Variants in RBM28 observed in about 807,000 individuals in gnomAD.
RBM28 encodes the protein RNA binding motif protein 28.
RBM28 carries 78 observed loss-of-function variants against 98.3 expected under a neutral mutation model. The ratio of observed to expected loss-of-function variants is 0.79; its 90% CI spans 0.66 to 0.96. The LOEUF is 0.96. Among genes scored for constraint, RBM28 ranks in the 40% least tolerant of loss-of-function variants. The pLI is 0.00. For missense variants in RBM28, 838 were observed against 913.0 expected (o/e 0.92, Z 1.06); for synonymous variants, 306 against 330.9 (o/e 0.92, Z 0.82).
rs1327171718 is a variant in RBM28, at chr7:128,318,004, C to CTTTCAGG, written c.1659_1665dup (p.Ala556ProfsTer33). 3.1e-6 allele frequency: 5 copies of CTTTCAGG among 1,614,196 alleles called. No homozygotes were observed. The highest frequency in any genetic ancestry group is 4.2e-6 in the Non-Finnish European group (5 of 1,180,036). ...GGATTGTTGTTGATGAGGCGGAGGG[C>CTTTCAGG]TTTCAGGGCATGCTCGTGCTCTTGG... On this transcript the variant is annotated frameshift_variant, in exon 15 of 19. Coordinates refer to ENST00000223073, the MANE Select transcript of RBM28 (RefSeq NM_018077.3). LOFTEE classifies it high-confidence loss of function.
chr7:128,343,879 C>G lies in RBM28; in HGVS notation c.-86G>C, dbSNP rs1412587149. On this transcript the variant is annotated 5_prime_UTR_variant, in exon 1 of 19. Coordinates refer to ENST00000223073, the MANE Select transcript of RBM28 (RefSeq NM_018077.3). ...GAAACGCTGGCTTTGGTAGGACAACCAAGCTCACACGCCGAGAGATTCCGG... is the reference window on the plus strand; with the variant it reads ...GAAACGCTGGCTTTGGTAGGACAACGAAGCTCACACGCCGAGAGATTCCGG... The G allele has an allele frequency of 2.3e-6, 2 of 885,960 alleles. No homozygotes were observed. The highest frequency in any genetic ancestry group is 1.7e-5 in the African/African-American group (1 of 58,404). The allele number at this position is 885,960 out of a possible 1,614,324, so 54.9% of individuals were successfully genotyped here.
Position 128,307,696 on chromosome 7 carries a change from A to G in RBM28, c.*3101T>C, listed in dbSNP as rs927297936. ...AAGAACAGCTGCACATCATCTTAAG[A>G]TTCCTTATTTAAAGGTTGTATCTCT... On this transcript the variant is annotated 3_prime_UTR_variant, in exon 19 of 19. Coordinates refer to ENST00000223073, the MANE Select transcript of RBM28 (RefSeq NM_018077.3). 2 of 152,228 alleles carry G rather than the reference A, an allele frequency of 1.3e-5. No individual in the cohort carries two copies. Among genetic ancestry groups the G allele is most frequent in the Non-Finnish European group, 2.9e-5 (2 of 68,042 alleles). 9.4% of individuals were successfully genotyped at this position (152,228 alleles called of 1,614,324 possible).
At chr7:128,325,993 G>A in intron 10 of RBM28, 102 bp from the exon 11 acceptor site, 1 of 930,540 alleles carries the variant, frequency 1.1e-6, no homozygotes, top group Middle Eastern at 2.1e-4. Flanking sequence ...GAAGGGATAG[G>A]TGGCATCCAT....
At chr7:128,314,685 A>G in intron 17 of RBM28, 79 bp downstream of exon 17, 1 of 1,601,174 alleles carries the variant, frequency 6.2e-7, no homozygotes, top group African/African-American at 1.3e-5. Flanking sequence ...CAAATGCCAC[A>G]AAGAGAAAAT....
chr7:128,335,101 C>A (rs973460894), intron 8 of RBM28, among the ~76,000 whole-genome samples: 2 of 152,192 alleles, frequency 1.3e-5, no homozygotes, highest in Admixed American at 6.5e-5. Context: ...TTATGTCAGT[C>A]CAAACTGACT....
rs1795883885 is a variant in RBM28, at chr7:128,307,211, G to C, written c.*3586C>G. 1 of 152,198 alleles carries C rather than the reference G, an allele frequency of 6.6e-6. No individual in the cohort carries two copies. Among genetic ancestry groups the C allele is most frequent in the Admixed American group, 6.5e-5 (1 of 15,284 alleles). 9.4% of individuals were successfully genotyped at this position (152,198 alleles called of 1,614,324 possible). A position where few individuals can be genotyped will look rare whatever the true frequency, so the allele number is the denominator to read the frequency against. ...TGCAGGAACTTTCAAAGTTGCATGG[G>C]CAGAGCTGCTTCTTATATGACAGAA... is the stretch of plus-strand genomic sequence containing the variant. On this transcript the variant is annotated 3_prime_UTR_variant, in exon 19 of 19. Transcript: ENST00000223073.
chr7:128,317,589 G>A (rs1796131954), intron 16 of RBM28, 70 bp downstream of exon 16: 16 of 1,212,998 alleles, frequency 1.3e-5, no homozygotes, highest in Non-Finnish European at 2.0e-5. Context: ...CTCTAAGAGA[G>A]CAGAAGCACA....
chr7:128,313,310 T>C (rs751584342), intron 17 of RBM28, 36 bp from the exon 18 acceptor site: 1 of 1,584,364 alleles, frequency 6.3e-7, no homozygotes, highest in South Asian at 1.1e-5. Flanking sequence ...CTTGAGTCCT[T>C]CTTCTAATTT....
At chr7:128,321,187 G>C in intron 14 of RBM28, 79 bp downstream of exon 14, 1 of 1,575,474 alleles carries the variant, frequency 6.3e-7, no homozygotes, top group Non-Finnish European at 8.7e-7. Flanking sequence ...ACAAAATCTG[G>C]CACCACAGCC....
intron 7 of RBM28, 61 bp downstream of exon 7, chr7:128,335,786 T>C: frequency 3.7e-6 from 6 of 1,613,820 alleles, no homozygotes; most frequent in Non-Finnish European, 4.2e-6. Context: ...AGGAGAATTT[T>C]TCCTCTCGGA....
chr7:128,340,482 C>T lies in RBM28; in HGVS notation c.119-691G>A, dbSNP rs374603651. Among the ~76,000 whole-genome samples the T allele has an allele frequency of 4.3e-4, 66 of 152,196 alleles. 1 individual carries two copies. Among genetic ancestry groups the T allele is most frequent in the Middle Eastern group, 6.8e-3 (2 of 294 alleles). On this transcript the variant is annotated intron_variant, in intron 1 of 18. Coordinates refer to ENST00000223073, the MANE Select transcript of RBM28 (RefSeq NM_018077.3). ...ACAAGAAGGCTCTCACCAGATACAGCCACTAAACTTTGGACTTCTCAGCCT... is the reference window on the plus strand; with the variant it reads ...ACAAGAAGGCTCTCACCAGATACAGTCACTAAACTTTGGACTTCTCAGCCT...
chr7:128,323,658 T>A (rs1796284901), intron 12 of RBM28, 67 bp from the exon 13 acceptor site: 8 of 1,557,924 alleles, frequency 5.1e-6, no homozygotes, highest in Non-Finnish European at 7.1e-6. Context: ...AAGAGGAATG[T>A]GATTTGAATG....
intron 10 of RBM28, among the ~76,000 whole-genome samples, chr7:128,327,062 G>A (rs1457508315): frequency 2.6e-5 from 4 of 151,718 alleles, no homozygotes; most frequent in Admixed American, 2.0e-4. Context: ...ACCTGACCTC[G>A]GGAGGTCAAG....
At chr7:128,327,257 C>A (rs1022472515) in intron 10 of RBM28, among the ~76,000 whole-genome samples, 1 of 152,176 alleles carries the variant, frequency 6.6e-6, no homozygotes, top group Non-Finnish European at 1.5e-5. Flanking sequence ...AAAGCAGGAA[C>A]CACTTAACCC....
chr7:128,299,941 A>G lies in RBM28; in HGVS notation c.*10856T>C, dbSNP rs12538722. On this transcript the variant is annotated 3_prime_UTR_variant, in exon 19 of 19. Transcript: ENST00000223073. Reference sequence around the variant, plus strand: ...AGGCAGAGACTGCAGTGATGCATCTATATGCCAGGCAACGCCAAGAAATTC... The same window carrying G: ...AGGCAGAGACTGCAGTGATGCATCTGTATGCCAGGCAACGCCAAGAAATTC... 0.3 allele frequency: 45,921 copies of G among 152,236 alleles called. 8,171 individuals are homozygous for G. Among genetic ancestry groups the G allele is most frequent in the East Asian group, 0.61 (3,174 of 5,168 alleles). 9.4% of individuals were successfully genotyped at this position (152,236 alleles called of 1,614,324 possible). A position where few individuals can be genotyped will look rare whatever the true frequency, so the allele number is the denominator to read the frequency against.
intron 13 of RBM28, among the ~76,000 whole-genome samples, chr7:128,321,874 C>A (rs536826976): frequency 6.6e-6 from 1 of 151,878 alleles, no homozygotes; most frequent in Non-Finnish European, 1.5e-5. Context: ...ATGGTGAAAC[C>A]CTGTCTCTAC....
chr7:128,341,183 T>C (rs1338017504), intron 1 of RBM28: 1 of 1,289,644 alleles, frequency 7.8e-7, no homozygotes, highest in African/African-American at 1.5e-5. Context: ...TCCTTCAGGG[T>C]ATAAGCCCTT....
chr7:128,327,306 G>A (rs144801935), intron 10 of RBM28, among the ~76,000 whole-genome samples: 1 of 152,192 alleles, frequency 6.6e-6, no homozygotes, highest in East Asian at 1.9e-4. Context: ...ACAGTCACTT[G>A]GGAGGCATCA....
At chr7:128,321,236 A>T in intron 14 of RBM28, 30 bp downstream of exon 14, 2 of 1,613,712 alleles carry the variant, frequency 1.2e-6, no homozygotes, top group Non-Finnish European at 1.7e-6. Context: ...TCAGAATGAA[A>T]GCTCCAAAAT....
Sources: gnomAD v4.1 joint callset for allele counts (sites outside exome capture counted in the v4.1 genomes callset) on GRCh38, gnomAD v4.1.1 for gene constraint, MANE v1.5 for transcripts, NCBI Gene and HGNC (gene_info 2026-07-23, HGNC 2026-07-21) for gene names.